Variants in SV2C observed in about 807,000 individuals in gnomAD.
SV2C encodes the protein synaptic vesicle glycoprotein 2C.
Under a neutral mutation model 79.7 loss-of-function variants are expected in SV2C, and 49 were observed. The ratio of observed to expected loss-of-function variants is 0.61; its 90% confidence interval spans 0.49 to 0.78. SV2C has a LOEUF of 0.78. Ranked by LOEUF, SV2C falls within the 30% of genes least tolerant of loss-of-function variation. The pLI, the probability that SV2C is intolerant of heterozygous loss-of-function variation, is 0.00. For missense variants in SV2C, 833 were observed against 912.9 expected (o/e 0.91, Z 1.13); for synonymous variants, 334 against 333.2 (o/e 1.00, Z -0.03).
chr5:76,190,639 G>C (rs574483552), intron 2 of SV2C, among the ~76,000 whole-genome samples: 3 of 152,272 alleles, frequency 2.0e-5, no homozygotes, highest in Admixed American at 2.0e-4. Context: ...GAGAAGAGTG[G>C]TCCAAAGACT....
chr5:76,204,916 G>A (rs1477770154), intron 3 of SV2C, among the ~76,000 whole-genome samples: 1 of 152,198 alleles, frequency 6.6e-6, no homozygotes. Context: ...TGTGCATACA[G>A]GAAGACTTGG....
At chr5:76,252,335 G>T (rs1157305696) in intron 4 of SV2C, among the ~76,000 whole-genome samples, 1 of 152,158 alleles carries the variant, frequency 6.6e-6, no homozygotes, top group East Asian at 1.9e-4. Flanking sequence ...TGGCCAGGCT[G>T]GTCTCAAACT....
Position 76,209,900 on chromosome 5 carries a change from C to G in SV2C, c.913+13C>G, listed in dbSNP as rs1348327256. The G allele has an allele frequency of 6.2e-7, 1 of 1,605,602 alleles. No individual in the cohort carries two copies. The highest frequency in any genetic ancestry group is 1.7e-5 in the Admixed American group (1 of 58,802). ...ATCCCGCACTACGGTAAGAGGCTGGCCTTGCCCCAGCTGGGCAGTCACTTC... is the reference window on the plus strand; with the variant it reads ...ATCCCGCACTACGGTAAGAGGCTGGGCTTGCCCCAGCTGGGCAGTCACTTC... On this transcript the variant is annotated intron_variant, in intron 4 of 12. Coordinates refer to ENST00000502798, the MANE Select transcript of SV2C (RefSeq NM_014979.4).
chr5:75,968,475 C>T, the SV2C span, among the ~76,000 whole-genome samples: 3 of 152,102 alleles, frequency 2.0e-5, no homozygotes, highest in Admixed American at 6.5e-5. Context: ...GCAGAGAAGT[C>T]CTCAAAGGAC....
chr5:75,916,369 CCTT>C, the SV2C span, among the ~76,000 whole-genome samples: 7 of 131,240 alleles, frequency 5.3e-5, no homozygotes, highest in African/African-American at 2.0e-4. Context: ...CTCTCCTCCT[CCTT>C]CCTCCTCCTC....
the SV2C span, among the ~76,000 whole-genome samples, chr5:76,076,900 A>G: frequency 6.6e-6 from 1 of 152,184 alleles, no homozygotes; most frequent in East Asian, 1.9e-4. Context: ...GTGCCTCACT[A>G]TTAGATTCAA....
chr5:75,977,282 C>T, the SV2C span, among the ~76,000 whole-genome samples: 3 of 152,118 alleles, frequency 2.0e-5, no homozygotes, highest in Non-Finnish European at 4.4e-5. Context: ...AGATTTACAG[C>T]AATCAATCAG....
At chr5:76,182,705 G>GC (rs1404906954) in intron 2 of SV2C, among the ~76,000 whole-genome samples, 3 of 152,112 alleles carry the variant, frequency 2.0e-5, no homozygotes, top group African/African-American at 7.2e-5. Context: ...AGTCCTGGTG[G>GC]CCTTTCTCCC....
chr5:75,940,726 T>C, the SV2C span, among the ~76,000 whole-genome samples: 1 of 152,328 alleles, frequency 6.6e-6, no homozygotes, highest in East Asian at 1.9e-4. Context: ...TAACAGTAGT[T>C]ACAACACTGT....
At chr5:76,178,242 G>C (rs532054634) in intron 2 of SV2C, among the ~76,000 whole-genome samples, 118 of 152,244 alleles carry the variant, frequency 7.8e-4, no homozygotes, top group Non-Finnish European at 6.3e-4. Context: ...ATTCATTCAA[G>C]CAGTTACCCA....
chr5:76,030,285 T>TATTTATTTATTTATTTATTTATTTA, the SV2C span, among the ~76,000 whole-genome samples: 2 of 109,960 alleles, frequency 1.8e-5, no homozygotes, highest in African/African-American at 1.1e-4. Context: ...TTTTTTTTTT[T>TATTTATTTATTTATTTATTTATTTA]TTTTTTTATT....
At chr5:75,923,580 A>T in the SV2C span, among the ~76,000 whole-genome samples, 1 of 152,200 alleles carries the variant, frequency 6.6e-6, no homozygotes, top group African/African-American at 2.4e-5. Flanking sequence ...CATAAAAAAA[A>T]TCCCATCTAA....
chr5:75,877,816 C>T, the SV2C span, among the ~76,000 whole-genome samples: 6 of 151,802 alleles, frequency 4.0e-5, no homozygotes, highest in Admixed American at 2.0e-4. Flanking sequence ...TTCATTTTCT[C>T]GGAAACCTCA....
chr5:76,113,412 T>C (rs1261872666), intron 1 of SV2C, among the ~76,000 whole-genome samples: 2 of 152,188 alleles, frequency 1.3e-5, no homozygotes, highest in Non-Finnish European at 2.9e-5. Context: ...AAAATAGCTG[T>C]GTGAAGAATG....
At chr5:76,030,266 G>GTTTTTTTTTTTT in the SV2C span, among the ~76,000 whole-genome samples, 13 of 31,972 alleles carry the variant, frequency 4.1e-4, no homozygotes, top group African/African-American at 1.0e-3. Flanking sequence ...TCAGAGGCTT[G>GTTTTTTTTTTTT]TTTTTTTTTT....
intron 7 of SV2C, 131 bp from the exon 8 acceptor site, chr5:76,291,637 T>G: frequency 1.5e-6 from 1 of 672,708 alleles, no homozygotes; most frequent in South Asian, 2.0e-5. Context: ...TACCTTTAAC[T>G]TTTACATTTT....
intron 4 of SV2C, among the ~76,000 whole-genome samples, chr5:76,251,924 T>G (rs1356752796): frequency 6.6e-6 from 1 of 152,086 alleles, no homozygotes; most frequent in Non-Finnish European, 1.5e-5. Flanking sequence ...AGAATTTGAG[T>G]TTACAAAACA....
chr5:76,044,027 C>G, the SV2C span, among the ~76,000 whole-genome samples: 1,142 of 152,260 alleles, frequency 7.5e-3, 18 homozygotes, highest in African/African-American at 0.026. Context: ...TTAAGCCCCA[C>G]ATGCATTAGC....
At chr5:75,915,495 G>A in the SV2C span, among the ~76,000 whole-genome samples, 1 of 152,192 alleles carries the variant, frequency 6.6e-6, no homozygotes, top group Admixed American at 6.5e-5. Flanking sequence ...ATACTTCAGG[G>A]AGACTTCATT....
Sources: gnomAD v4.1 joint callset for allele counts (sites outside exome capture counted in the v4.1 genomes callset) on GRCh38, gnomAD v4.1.1 for gene constraint, MANE v1.5 for transcripts, NCBI Gene and HGNC (gene_info 2026-07-23, HGNC 2026-07-21) for gene names.